Variants in PARP16 observed in about 807,000 individuals in gnomAD.
PARP16 encodes the protein poly(ADP-ribose) polymerase family member 16, also known as protein mono-ADP-ribosyltransferase PARP16.
PARP16 carries 31 observed loss-of-function variants against 35.0 expected under a neutral mutation model. That is an observed-to-expected ratio of 0.88 (90% CI 0.66 to 1.19). The LOEUF is 1.19. PARP16 is among the 50% of genes most tolerant of loss of function. PARP16 has a pLI of 0.00. For synonymous variants in PARP16, 162 were observed against 169.5 expected (o/e 0.96, Z 0.34); for missense variants, 424 against 411.2 (o/e 1.03, Z -0.27).
In PARP16 at chr15:65,286,765, C is replaced by G. The variant is rs1213025697; in HGVS notation, c.-339G>C. 4 of 273,158 alleles carry G rather than the reference C, an allele frequency of 1.5e-5. No individual in the cohort carries two copies. Among genetic ancestry groups the G allele is most frequent in the Non-Finnish European group, 2.8e-5 (4 of 145,054 alleles). 16.9% of individuals were successfully genotyped at this position (273,158 alleles called of 1,614,324 possible). A position where few individuals can be genotyped will look rare whatever the true frequency, so the allele number is the denominator to read the frequency against. On this transcript the variant is annotated 5_prime_UTR_variant, in exon 1 of 6. Coordinates refer to ENST00000649807, the MANE Select transcript of PARP16 (RefSeq NM_001316943.2). Reference sequence around the variant, plus strand: ...GGCTATGACAATGGAATGACAACCGCGGGAACGTGCTGACACGTGTCCTCC... The same window carrying G: ...GGCTATGACAATGGAATGACAACCGGGGGAACGTGCTGACACGTGTCCTCC...
Position 65,240,323 on chromosome 15 carries a change from AGTGTGT to A in PARP16, c.*98-5506_*98-5501del, listed in dbSNP as rs34811236. Among the ~76,000 whole-genome samples the A allele has an allele frequency of 1.7e-3, 220 of 126,120 alleles. 2 individuals carry two copies. Among genetic ancestry groups the A allele is most frequent in the East Asian group, 8.2e-3 (34 of 4,140 alleles). 82.7% of individuals were successfully genotyped at this position (126,120 alleles called of 152,430 possible). A position where few individuals can be genotyped will look rare whatever the true frequency, so the allele number is the denominator to read the frequency against. ...GTGTGTGTGTGTGGTGGGGGGGGCT[AGTGTGT>A]GTGTGTGTGTGTGTGTGTGTGTGTG... On this transcript the variant is annotated intron_variant and NMD_transcript_variant, in intron 3 of 3. Coordinates refer to the PARP16 transcript ENST00000559805.
rs1700578741 is a variant in PARP16 at position 65,259,672 on chromosome 15, G to A, written c.834-130C>T. 5.7e-6 allele frequency: 5 copies of A among 878,620 alleles called. No individual in the cohort carries two copies. In the South Asian group the frequency reaches 8.7e-5, roughly 15 times the overall value. 54.4% of individuals were successfully genotyped at this position (878,620 alleles called of 1,614,324 possible). On this transcript the variant is annotated intron_variant, in intron 5 of 5. Transcript: ENST00000649807. The stretch of plus-strand genomic sequence containing the variant: ...TCCTTTGCCTGAGCCATGAAATGAA[G>A]CTTCGTGCTTCCTTGCTCAAGAAAC...
At chr15:65,286,171 G>A in intron 1 of PARP16, 82 bp downstream of exon 1, 1 of 1,133,996 alleles carries the variant, frequency 8.8e-7, no homozygotes, top group South Asian at 1.8e-5. Context: ...TTACTAATGC[G>A]GATGGAACTG....
intron 5 of PARP16, 40 bp from the exon 6 acceptor site, chr15:65,259,582 G>T: frequency 1.9e-6 from 3 of 1,599,356 alleles, no homozygotes; most frequent in Non-Finnish European, 2.6e-6. Context: ...GGCAAAAAGA[G>T]AAAAACATTT....
chr15:65,246,167 A>C (rs1051992411), intron 3 of PARP16, among the ~76,000 whole-genome samples: 1 of 152,088 alleles, frequency 6.6e-6, no homozygotes, highest in Non-Finnish European at 1.5e-5. Flanking sequence ...CCAACTCAGC[A>C]ACCCTGGCTG....
At chr15:65,271,834 G>C (rs2090105988) in intron 1 of PARP16, among the ~76,000 whole-genome samples, 1 of 152,184 alleles carries the variant, frequency 6.6e-6, no homozygotes, top group South Asian at 2.1e-4. Context: ...TTGTTCCCCT[G>C]GAGACTGGAT....
intron 3 of PARP16, among the ~76,000 whole-genome samples, chr15:65,241,683 TTTACA>T (rs980582932): frequency 6.6e-6 from 1 of 152,212 alleles, no homozygotes; most frequent in African/African-American, 2.4e-5. Context: ...TGTTCATTTT[TTTACA>T]TTAGTTTTTT....
At chr15:65,240,894 G>A (rs1294313541) in intron 3 of PARP16, among the ~76,000 whole-genome samples, 1 of 151,892 alleles carries the variant, frequency 6.6e-6, no homozygotes, top group Non-Finnish European at 1.5e-5. Flanking sequence ...GTGCAGTGGT[G>A]CAATCTCGGC....
chr15:65,247,408 G>A (rs2089238208), intron 3 of PARP16, among the ~76,000 whole-genome samples: 1 of 152,166 alleles, frequency 6.6e-6, no homozygotes, highest in Non-Finnish European at 1.5e-5. Flanking sequence ...TTCAAACTGA[G>A]TTCTGTCTGA....
intron 3 of PARP16, among the ~76,000 whole-genome samples, chr15:65,264,874 GA>G (rs1316762732): frequency 6.6e-6 from 1 of 152,178 alleles, no homozygotes; most frequent in African/African-American, 2.4e-5. Context: ...TTTACCAAAG[GA>G]TTTTTGTAAG....
At chr15:65,268,893 T>A (rs1176175281) in intron 2 of PARP16, among the ~76,000 whole-genome samples, 2 of 151,974 alleles carry the variant, frequency 1.3e-5, no homozygotes, top group East Asian at 3.9e-4. Flanking sequence ...CAGCTGGGAT[T>A]ACAGGCATGT....
At chr15:65,257,320 GAC>G (rs911105857), downstream of PARP16, among the ~76,000 whole-genome samples, 2 of 152,194 alleles carry the variant, frequency 1.3e-5, no homozygotes, top group Non-Finnish European at 2.9e-5. Context: ...AGGAGGCTAA[GAC>G]AGGAGAATTG....
At chr15:65,269,032 G>A (rs1345977449) in intron 2 of PARP16, among the ~76,000 whole-genome samples, 1 of 152,112 alleles carries the variant, frequency 6.6e-6, no homozygotes, top group Non-Finnish European at 1.5e-5. Context: ...TGGAATTACA[G>A]GCGTGAGCTT....
intron 2 of PARP16, among the ~76,000 whole-genome samples, chr15:65,270,708 C>T (rs181356570): frequency 4.6e-5 from 7 of 152,266 alleles, no homozygotes; most frequent in Admixed American, 4.6e-4. Flanking sequence ...TACTCAAGGT[C>T]ACACAGCTGA....
chr15:65,245,585 G>C (rs572656398), intron 3 of PARP16, among the ~76,000 whole-genome samples: 116 of 152,220 alleles, frequency 7.6e-4, no homozygotes, highest in South Asian at 4.1e-3. Flanking sequence ...CTGCTTGTAT[G>C]GAAGCAGCTG....
chr15:65,274,128 G>T (rs1391651036), intron 1 of PARP16, among the ~76,000 whole-genome samples: 3 of 150,684 alleles, frequency 2.0e-5, no homozygotes, highest in Non-Finnish European at 2.9e-5. Context: ...ATTTTTAGTA[G>T]AGATGAGGTC....
chr15:65,249,846 A>G (rs1412428874), intron 2 of PARP16, among the ~76,000 whole-genome samples: 1 of 152,194 alleles, frequency 6.6e-6, no homozygotes, highest in African/African-American at 2.4e-5. Context: ...TGGGTCTGCA[A>G]TGATGGGGCT....
intron 2 of PARP16, among the ~76,000 whole-genome samples, chr15:65,252,032 G>A (rs2089377054): frequency 1.3e-5 from 2 of 152,128 alleles, no homozygotes; most frequent in African/African-American, 4.8e-5. Context: ...CCAAAGTGCT[G>A]GGATTACAGG....
downstream of PARP16, among the ~76,000 whole-genome samples, chr15:65,231,659 G>A (rs563985555): frequency 4.6e-5 from 7 of 152,180 alleles, no homozygotes; most frequent in East Asian, 1.4e-3. Flanking sequence ...CGTTGGCCAG[G>A]CTGGTCTCAA....
Sources: allele counts gnomAD v4.1 joint callset (sites outside exome capture counted in the v4.1 genomes callset), GRCh38; gene constraint gnomAD v4.1.1; transcripts MANE v1.5; gene names NCBI Gene and HGNC (gene_info 2026-07-23, HGNC 2026-07-21).